The following COL24A1 variants were observed in gnomAD, a reference collection of about 807,000 sequenced individuals.
The protein encoded by COL24A1 is collagen type XXIV alpha 1 chain.
Under a neutral mutation model 253.9 loss-of-function variants are expected in COL24A1, and 224 were observed. The ratio of observed to expected loss-of-function variants is 0.88; its 90% CI spans 0.79 to 0.99. The LOEUF is 0.99. Ranked by LOEUF, COL24A1 falls within the 50% of genes least tolerant of loss-of-function variation. The pLI is 0.00. For synonymous variants in COL24A1, 685 were observed against 673.7 expected (o/e 1.02, Z -0.26); for missense variants, 2,131 against 2,068.5 (o/e 1.03, Z -0.59).
Position 86,132,159 on chromosome 1 carries a change from T to C in COL24A1, c.122-5945A>G, listed in dbSNP as rs7527804. ...CATGTGTCTGTTGGCTGCATAAATGTCTTATTTTGAGAAGTGTCTGCTCAT... is the reference window on the plus strand; with the variant it reads ...CATGTGTCTGTTGGCTGCATAAATGCCTTATTTTGAGAAGTGTCTGCTCAT... On this transcript the variant is annotated intron_variant, in intron 2 of 59. Transcript: ENST00000370571. 7.9e-4 allele frequency among the ~76,000 whole-genome samples: 121 copies of C among 152,326 alleles called. 1 individual carries two copies. Among genetic ancestry groups the C allele is most frequent in the African/African-American group, 2.8e-3 (118 of 41,568 alleles).
intron 24 of COL24A1, among the ~76,000 whole-genome samples, chr1:85,918,519 C>T (rs1192528115): frequency 6.6e-6 from 1 of 152,100 alleles, no homozygotes; most frequent in African/African-American, 2.4e-5. Flanking sequence ...GTCTCTACTA[C>T]AGACTGAAAA....
At chr1:86,022,367 T>C in intron 17 of COL24A1, 74 bp from the exon 18 acceptor site, 2 of 1,474,496 alleles carry the variant, frequency 1.4e-6, no homozygotes, top group Non-Finnish European at 1.9e-6. Flanking sequence ...TACAAACTGC[T>C]AAAAAATTTC....
At chr1:86,088,082 T>C (rs1703200079) in intron 7 of COL24A1, among the ~76,000 whole-genome samples, 1 of 152,220 alleles carries the variant, frequency 6.6e-6, no homozygotes, top group Non-Finnish European at 1.5e-5. Context: ...GGGCTGACAA[T>C]TTATGTGACA....
chr1:86,020,827 C>T (rs540171694), intron 18 of COL24A1, among the ~76,000 whole-genome samples: 128 of 152,262 alleles, frequency 8.4e-4, no homozygotes, highest in African/African-American at 2.9e-3. Context: ...TTGTTAGCTT[C>T]ATGACCTAGT....
intron 19 of COL24A1, among the ~76,000 whole-genome samples, chr1:86,006,586 A>G (rs1454348865): frequency 1.3e-5 from 2 of 152,208 alleles, no homozygotes; most frequent in Non-Finnish European, 2.9e-5. Flanking sequence ...GAAAATCTAG[A>G]TGACCTTGGG....
chr1:85,953,680 A>G (rs559924484), intron 24 of COL24A1, among the ~76,000 whole-genome samples: 2 of 152,304 alleles, frequency 1.3e-5, no homozygotes, highest in South Asian at 4.1e-4. Context: ...CAGAAACATA[A>G]GTACACGATG....
At chr1:86,082,700 T>C (rs909304982) in intron 7 of COL24A1, among the ~76,000 whole-genome samples, 62 of 137,960 alleles carry the variant, frequency 4.5e-4, no homozygotes, top group African/African-American at 1.7e-3. Context: ...ATAAATACAA[T>C]TTACATATTT....
chr1:85,850,922 T>C lies in COL24A1; in HGVS notation c.3301-1516A>G, dbSNP rs539720941. 3.3e-5 allele frequency among the ~76,000 whole-genome samples: 5 copies of C among 151,842 alleles called. No individual in the cohort carries two copies. In the East Asian group the frequency reaches 9.7e-4, roughly 29 times the overall value. On this transcript the variant is annotated intron_variant, in intron 37 of 59. Coordinates refer to ENST00000370571, the MANE Select transcript of COL24A1 (RefSeq NM_152890.7). ...AAGTACATGTAAAGATGTTAAAAGG[T>C]ACAATGAAAGCCCGTTTACCTACAT...
intron 37 of COL24A1, among the ~76,000 whole-genome samples, chr1:85,864,047 C>CT (rs1383095862): frequency 6.6e-6 from 1 of 152,074 alleles, no homozygotes; most frequent in Non-Finnish European, 1.5e-5. Flanking sequence ...AATCCCATTA[C>CT]GGGTATATAC....
chr1:85,913,682 G>T (rs2102949305), intron 24 of COL24A1, among the ~76,000 whole-genome samples: 1 of 152,302 alleles, frequency 6.6e-6, no homozygotes, highest in Non-Finnish European at 1.5e-5. Context: ...ATAGGGAAAT[G>T]GGACCTTCAC....
intron 24 of COL24A1, among the ~76,000 whole-genome samples, chr1:85,949,061 T>C (rs1056322934): frequency 2.0e-5 from 3 of 152,174 alleles, no homozygotes; most frequent in African/African-American, 7.2e-5. Flanking sequence ...ATTGGTATCT[T>C]CTACTATACT....
Position 86,156,729 on chromosome 1 carries a change from A to T in COL24A1, c.-333T>A. The T allele has an allele frequency of 4.6e-6, 1 of 217,072 alleles. No individual in the cohort carries two copies. The highest frequency in any genetic ancestry group is 9.0e-6 in the Non-Finnish European group (1 of 111,382). 13.4% of individuals were successfully genotyped at this position (217,072 alleles called of 1,614,324 possible). Reference sequence around the variant, plus strand: ...GCGGGAGCCGGGCTGCTAGTGCAGCACTCAAGTTCACTTGCGGTTCAAAGG... The same window carrying T: ...GCGGGAGCCGGGCTGCTAGTGCAGCTCTCAAGTTCACTTGCGGTTCAAAGG... On this transcript the variant is annotated 5_prime_UTR_variant, in exon 1 of 60. Transcript: ENST00000370571.
At chr1:86,091,086 A>G (rs1703458810) in intron 6 of COL24A1, among the ~76,000 whole-genome samples, 1 of 152,066 alleles carries the variant, frequency 6.6e-6, no homozygotes, top group Admixed American at 6.6e-5. Context: ...TGTGTTTCTC[A>G]TATTGCAGAA....
intron 46 of COL24A1, 35 bp from the exon 47 acceptor site, chr1:85,816,930 G>T: frequency 7.0e-7 from 1 of 1,419,984 alleles, no homozygotes; most frequent in Non-Finnish European, 9.9e-7. Flanking sequence ...TTGTAGAGAT[G>T]CTGAAAAGAT....
chr1:86,062,051 A>G (rs1213029480), intron 8 of COL24A1, among the ~76,000 whole-genome samples: 2 of 152,120 alleles, frequency 1.3e-5, no homozygotes, highest in African/African-American at 4.8e-5. Context: ...GCGTAGAAAT[A>G]TATTTAAAAG....
Position 85,831,197 on chromosome 1 carries a change from G to A in COL24A1, c.3681+7388C>T, listed in dbSNP as rs558405079. ...CAGAGCCAGCAATTAACAGAATCTG[G>A]TCAATCAAGACGGAGTGTGGTACAA... On this transcript the variant is annotated intron_variant, in intron 43 of 59. Coordinates refer to ENST00000370571, the MANE Select transcript of COL24A1 (RefSeq NM_152890.7). 3.9e-5 allele frequency among the ~76,000 whole-genome samples: 6 copies of A among 152,136 alleles called. No individual in the cohort carries two copies. In the South Asian group the frequency reaches 1.2e-3, roughly 31 times the overall value.
intron 1 of COL24A1, among the ~76,000 whole-genome samples, chr1:86,150,107 A>G (rs969480490): frequency 1.3e-5 from 2 of 152,190 alleles, no homozygotes; most frequent in Non-Finnish European, 2.9e-5. Flanking sequence ...AAGACCTTGT[A>G]TATGTCTGAA....
Position 86,024,292 on chromosome 1 carries a change from A to C in COL24A1, c.2050-1285T>G, listed in dbSNP as rs114257232. 7.1e-3 allele frequency among the ~76,000 whole-genome samples: 1,085 copies of C among 152,136 alleles called. 7 individuals are homozygous for C. The highest frequency in any genetic ancestry group is 0.014 in the Middle Eastern group (4 of 294). ...TGTACTTTTTTTTTCCTGCCTTCCT[A>C]GTCTGTGCATTTTGTGACAGCGGAA... On this transcript the variant is annotated intron_variant, in intron 14 of 59. Coordinates refer to ENST00000370571, the MANE Select transcript of COL24A1 (RefSeq NM_152890.7).
intron 5 of COL24A1, among the ~76,000 whole-genome samples, chr1:86,110,096 C>T (rs1437017724): frequency 6.6e-6 from 1 of 151,830 alleles, no homozygotes; most frequent in Non-Finnish European, 1.5e-5. Context: ...TTTGTTACAG[C>T]AGCCTGAAAA....
Sources: allele counts gnomAD v4.1 joint callset (sites outside exome capture counted in the v4.1 genomes callset), GRCh38; gene constraint gnomAD v4.1.1; transcripts MANE v1.5; gene names NCBI Gene and HGNC (gene_info 2026-07-23, HGNC 2026-07-21).